LAMC1: variants seen among roughly 807,000 people sequenced by gnomAD.
The protein encoded by LAMC1 is laminin subunit gamma 1.
Under a neutral mutation model 173.6 loss-of-function variants are expected in LAMC1, and 38 were observed. The observed-to-expected ratio is 0.22, with a 90% CI of 0.17 to 0.29. LAMC1 has a LOEUF of 0.29. LAMC1 is among the 10% of genes least tolerant of loss of function. LAMC1 has a pLI of 1.00. For synonymous variants in LAMC1, 746 were observed against 749.1 expected (o/e 1.00, Z 0.07); for missense variants, 1,824 against 2,051.8 (o/e 0.89, Z 2.14).
chr1:183,141,861 G>A (rs571259714), intron 27 of LAMC1, among the ~76,000 whole-genome samples: 1 of 152,274 alleles, frequency 6.6e-6, no homozygotes, highest in Admixed American at 6.5e-5. Context: ...GATGTAAAAT[G>A]GTCTTGTGAG....
At chr1:183,057,636 C>T (rs1416097116) in intron 1 of LAMC1, among the ~76,000 whole-genome samples, 1 of 152,092 alleles carries the variant, frequency 6.6e-6, no homozygotes, top group Admixed American at 6.5e-5. Context: ...TGGTGGGCGC[C>T]TGTAATCCCA....
Position 183,023,908 on chromosome 1 carries a change from G to A in LAMC1, c.192G>A (p.Val64=). The A allele has an allele frequency of 6.2e-7, 1 of 1,613,178 alleles. No individual in the cohort carries two copies. Among genetic ancestry groups the A allele is most frequent in the Non-Finnish European group, 8.5e-7 (1 of 1,179,910 alleles). Residue 64 remains valine (V), a synonymous_variant, in exon 1 of 28, where the codon GTG becomes GTA. Transcript: ENST00000258341. ...ACGCCGCCTTCAACGTGACTGTGGT[G>A]GCCACCAACACGTGTGGGACTCCGC... ...FVNAAFNVTV[V]ATNTCGTPPE...
intron 1 of LAMC1, among the ~76,000 whole-genome samples, chr1:183,078,746 C>T (rs941242497): frequency 2.0e-5 from 3 of 151,984 alleles, no homozygotes; most frequent in Non-Finnish European, 4.4e-5. Flanking sequence ...CACGGTGGCT[C>T]ACCTCTGTAA....
intron 1 of LAMC1, among the ~76,000 whole-genome samples, chr1:183,051,594 G>C (rs1424643544): frequency 6.6e-6 from 1 of 152,214 alleles, no homozygotes; most frequent in Non-Finnish European, 1.5e-5. Context: ...TAGATAACTG[G>C]AACACTTACT....
At chr1:183,064,755 A>G (rs1385816887) in intron 1 of LAMC1, among the ~76,000 whole-genome samples, 1 of 152,262 alleles carries the variant, frequency 6.6e-6, no homozygotes, top group Non-Finnish European at 1.5e-5. Flanking sequence ...ATCGTTCATT[A>G]TGATACATTT....
At chr1:183,118,178 TA>T in intron 11 of LAMC1, 32 bp downstream of exon 11, 1 of 1,240,644 alleles carries the variant, frequency 8.1e-7, no homozygotes, top group Non-Finnish European at 1.2e-6. Context: ...GAGAGTTGTT[TA>T]AAAAGATGAT....
At chr1:183,043,628 A>T (rs1654196004) in intron 1 of LAMC1, among the ~76,000 whole-genome samples, 1 of 152,208 alleles carries the variant, frequency 6.6e-6, no homozygotes. Context: ...ATTTAGAACT[A>T]CAGATAGGGC....
In LAMC1 at chr1:183,134,733, A is replaced by G. The variant is rs1012555428; in HGVS notation, c.3923A>G (p.Glu1308Gly). Residue 1308 changes from glutamate to glycine, a missense_variant, in exon 23 of 28, where the codon GAG becomes GGG. Physicochemically the swap from Glu to Gly is moderately conservative, Grantham distance 98 (BLOSUM62 -2). Coordinates refer to ENST00000258341, the MANE Select transcript of LAMC1 (RefSeq NM_002293.4). ...ATTGACCAGAAATTAAAAGATTATG[A>G]GGACCTCAGAGAAGATATGAGAGGG... Reference protein sequence around the residue: ...QLIDQKLKDYEDLREDMRGKE... With the variant: ...QLIDQKLKDYGDLREDMRGKE... The G allele has an allele frequency of 1.9e-6, 3 of 1,612,708 alleles. No individual in the cohort carries two copies. In the East Asian group the frequency reaches 6.7e-5, roughly 36 times the overall value.
At chr1:183,042,029 T>C (rs546288469) in intron 1 of LAMC1, among the ~76,000 whole-genome samples, 2 of 152,294 alleles carry the variant, frequency 1.3e-5, no homozygotes, top group Non-Finnish European at 2.9e-5. Flanking sequence ...CCAGCATTGT[T>C]AGATGAAGAG....
intron 1 of LAMC1, among the ~76,000 whole-genome samples, chr1:183,030,099 C>T (rs555753872): frequency 2.0e-5 from 3 of 152,158 alleles, no homozygotes. Context: ...GTGAAAATTT[C>T]ATGAAATTCA....
chr1:183,131,089 A>G (rs1300185060), intron 19 of LAMC1, among the ~76,000 whole-genome samples: 1 of 149,786 alleles, frequency 6.7e-6, no homozygotes, highest in Non-Finnish European at 1.5e-5. Flanking sequence ...CAGGAGAACC[A>G]CTTGAACCCA....
chr1:183,140,476 A>G lies in LAMC1; in HGVS notation c.4546A>G (p.Ile1516Val), dbSNP rs750539618. 7 of 1,613,476 alleles carry G rather than the reference A, an allele frequency of 4.3e-6. No homozygotes were observed. The highest frequency in any genetic ancestry group is 1.1e-5 in the South Asian group (1 of 91,054). The change falls in exon 27 of 28, where the codon ATT becomes GTT. Residue 1516 changes from isoleucine to valine, a missense_variant. Physicochemically the swap from Ile to Val is conservative, Grantham distance 29. Coordinates refer to ENST00000258341, the MANE Select transcript of LAMC1 (RefSeq NM_002293.4). ...AKNSVTSLLSIINDLLEQLGQ... is the reference protein window; with the variant it reads ...AKNSVTSLLSVINDLLEQLGQ... ...AAACTCTGTTACTAGCCTCCTCAGC[A>G]TTATTAATGACCTCTTGGAGCAGCT...
intron 1 of LAMC1, among the ~76,000 whole-genome samples, chr1:183,058,830 A>G (rs2102029876): frequency 1.3e-5 from 2 of 152,366 alleles, no homozygotes; most frequent in Middle Eastern, 6.8e-3. Context: ...AAAAAAATTC[A>G]CAAAAAGCCA....
At chr1:183,101,839 G>C (rs1216547847) in intron 1 of LAMC1, among the ~76,000 whole-genome samples, 1 of 152,174 alleles carries the variant, frequency 6.6e-6, no homozygotes, top group Non-Finnish European at 1.5e-5. Context: ...ATGTATGTGG[G>C]GGACAGTTAA....
intron 1 of LAMC1, among the ~76,000 whole-genome samples, chr1:183,074,444 T>A (rs982755551): frequency 1.3e-5 from 2 of 152,212 alleles, no homozygotes; most frequent in East Asian, 3.9e-4. Flanking sequence ...TAAAGCCACT[T>A]AGTAGTGGTT....
At chr1:183,084,956 C>T (rs960573117) in intron 1 of LAMC1, among the ~76,000 whole-genome samples, 6 of 152,098 alleles carry the variant, frequency 3.9e-5, no homozygotes, top group East Asian at 3.9e-4. Flanking sequence ...TAAATTTGGC[C>T]GGGCATGGTG....
intron 1 of LAMC1, among the ~76,000 whole-genome samples, chr1:183,076,077 A>G (rs186815475): frequency 1.3e-5 from 2 of 152,354 alleles, no homozygotes; most frequent in East Asian, 1.9e-4. Flanking sequence ...GTCATAAGCA[A>G]TGGCTCATAA....
chr1:183,121,017 G>T (rs182157793), intron 11 of LAMC1, among the ~76,000 whole-genome samples: 1 of 152,016 alleles, frequency 6.6e-6, no homozygotes, highest in African/African-American at 2.4e-5. Context: ...CCACACTCTT[G>T]TTCATATCTC....
At chr1:183,100,466 A>G (rs1004123711) in intron 1 of LAMC1, among the ~76,000 whole-genome samples, 1 of 152,144 alleles carries the variant, frequency 6.6e-6, no homozygotes, top group East Asian at 1.9e-4. Flanking sequence ...TAGCTACCCT[A>G]GACAACTCTA....
Sources: gnomAD v4.1 joint callset for allele counts (sites outside exome capture counted in the v4.1 genomes callset) on GRCh38, gnomAD v4.1.1 for gene constraint, MANE v1.5 for transcripts, NCBI Gene and HGNC (gene_info 2026-07-23, HGNC 2026-07-21) for gene names.